The following DACH1 variants were observed in gnomAD, a reference collection of about 807,000 sequenced individuals.
The protein encoded by DACH1 is dachshund family transcription factor 1, also known as dachshund homolog 1.
Under a neutral mutation model 54.2 loss-of-function variants are expected in DACH1, and 12 were observed. The observed-to-expected ratio is 0.22, with a 90% confidence interval of 0.14 to 0.36. The LOEUF is 0.36. Among genes scored for constraint, DACH1 ranks in the 10% least tolerant of loss-of-function variants. DACH1 has a pLI of 1.00. For missense variants in DACH1, 805 were observed against 929.8 expected, an observed-to-expected ratio of 0.87 and a Z score of 1.75; for synonymous variants, 386 against 366.2, an observed-to-expected ratio of 1.05 and a Z score of -0.62.
chr13:71,535,598 T>C (rs935860841), intron 6 of DACH1, among the ~76,000 whole-genome samples: 3 of 151,984 alleles, frequency 2.0e-5, no homozygotes, highest in Non-Finnish European at 4.4e-5. Context: ...GCGCATTTTT[T>C]TCCCCCCAAG....
At chr13:71,535,052 CAG>C (rs1239047271) in intron 6 of DACH1, among the ~76,000 whole-genome samples, 2 of 150,280 alleles carry the variant, frequency 1.3e-5, no homozygotes, top group Non-Finnish European at 3.0e-5. Context: ...CTTAACAAAT[CAG>C]AGTTTTTCTA....
At chr13:71,693,749 C>T (rs1594104881) in intron 1 of DACH1, among the ~76,000 whole-genome samples, 1 of 152,030 alleles carries the variant, frequency 6.6e-6, no homozygotes, top group Admixed American at 6.6e-5. Context: ...TATGGTTATA[C>T]TTGTTCTATT....
chr13:71,590,766 G>T (rs1050260296), intron 3 of DACH1, among the ~76,000 whole-genome samples: 4 of 150,494 alleles, frequency 2.7e-5, no homozygotes, highest in Non-Finnish European at 5.9e-5. Flanking sequence ...ATAACTTTTA[G>T]TTCATCTTCA....
At position 71,565,975 on chromosome 13, in the gene DACH1, G is replaced by A. The variant is rs569814867; in HGVS notation, c.1300-6020C>T. Among the ~76,000 whole-genome samples the A allele has an allele frequency of 7.9e-5, 12 of 152,182 alleles. 1 individual carries two copies. The East Asian group carries it at 1.2e-3, about 15-fold the overall frequency. On this transcript the variant is annotated intron_variant, in intron 4 of 10. Transcript: ENST00000613252. ...GCACCATCTGACAATGAATACTGGC[G>A]TCTTAATTAAAAGGTAGGACTTCTT...
intron 10 of DACH1, among the ~76,000 whole-genome samples, chr13:71,466,259 AT>A (rs1566275777): frequency 6.6e-6 from 1 of 152,118 alleles, no homozygotes; most frequent in South Asian, 2.1e-4. Context: ...ATATATCACT[AT>A]TTTTGACTAT....
intron 3 of DACH1, among the ~76,000 whole-genome samples, chr13:71,605,183 T>C (rs922966217): frequency 7.9e-5 from 12 of 151,940 alleles, no homozygotes; most frequent in African/African-American, 1.2e-4. Flanking sequence ...TATGCCTGTA[T>C]ACTAAAAGAA....
chr13:71,464,347 C>T (rs1876363456), intron 10 of DACH1, among the ~76,000 whole-genome samples: 1 of 151,860 alleles, frequency 6.6e-6, no homozygotes, highest in Non-Finnish European at 1.5e-5. Context: ...TAAAGTGTTG[C>T]TGTTGTTAAA....
chr13:71,478,878 G>A (rs1229052267), intron 8 of DACH1, among the ~76,000 whole-genome samples: 1 of 152,042 alleles, frequency 6.6e-6, no homozygotes, highest in Non-Finnish European at 1.5e-5. Context: ...GCTATCATTA[G>A]AGTTTATTCT....
At chr13:71,816,001 C>T (rs1347786311) in intron 1 of DACH1, among the ~76,000 whole-genome samples, 2 of 151,904 alleles carry the variant, frequency 1.3e-5, no homozygotes, top group African/African-American at 2.4e-5. Flanking sequence ...AGGAGAATGG[C>T]ATGAACCCGG....
chr13:71,794,066 T>TA (rs58581587), intron 1 of DACH1, among the ~76,000 whole-genome samples: 29,683 of 150,712 alleles, frequency 0.2, 4,624 homozygotes, highest in East Asian at 0.84. Flanking sequence ...ATTTTTTCCT[T>TA]AAAAAAAAAG....
At chr13:71,792,360 AC>A in intron 1 of DACH1, among the ~76,000 whole-genome samples, 1 of 152,134 alleles carries the variant, frequency 6.6e-6, no homozygotes, top group Admixed American at 6.6e-5. Context: ...ACACACACAC[AC>A]ACACACACAC....
In DACH1 at chr13:71,536,680, T is replaced by C. The variant is rs1481361363; in HGVS notation, c.1570+20344A>G. On this transcript the variant is annotated intron_variant, in intron 6 of 10. Coordinates refer to ENST00000613252, the MANE Select transcript of DACH1 (RefSeq NM_080759.6). Reference sequence around the variant, plus strand: ...ACAAAAACTTGGAGTGTTTATTCTGTGTGGGGCACTAAGCTGAATGGTGGG... The same window carrying C: ...ACAAAAACTTGGAGTGTTTATTCTGCGTGGGGCACTAAGCTGAATGGTGGG... Among the ~76,000 whole-genome samples the C allele has an allele frequency of 2.0e-5, 3 of 152,140 alleles. No homozygotes were observed. In the South Asian group the frequency reaches 6.2e-4, roughly 31 times the overall value.
intron 2 of DACH1, among the ~76,000 whole-genome samples, chr13:71,669,474 T>C (rs1880081838): frequency 6.6e-6 from 1 of 152,184 alleles, no homozygotes. Context: ...TGTGGTGAGT[T>C]GTATTATTTC....
At chr13:71,458,539 A>AT (rs1186662940) in intron 10 of DACH1, among the ~76,000 whole-genome samples, 1 of 151,868 alleles carries the variant, frequency 6.6e-6, no homozygotes, top group East Asian at 1.9e-4. Context: ...AAAGTTTTAG[A>AT]TTTTACCTAT....
chr13:71,730,665 C>T (rs1277765353), intron 1 of DACH1, among the ~76,000 whole-genome samples: 1 of 152,094 alleles, frequency 6.6e-6, no homozygotes, highest in East Asian at 1.9e-4. Context: ...CATTATTTGG[C>T]ATTTACAGAC....
In DACH1 at chr13:71,625,401, CAT is replaced by C. The variant is rs561616943; in HGVS notation, c.1126+5153_1126+5154del. Among the ~76,000 whole-genome samples the C allele has an allele frequency of 5.4e-3, 823 of 152,044 alleles. 10 individuals carry two copies. Among genetic ancestry groups the C allele is most frequent in the Non-Finnish European group, 8.7e-3 (592 of 67,952 alleles). On this transcript the variant is annotated intron_variant, in intron 3 of 10. Coordinates refer to ENST00000613252, the MANE Select transcript of DACH1 (RefSeq NM_080759.6). ...TTAATCTTTTCCTTCCAAATAGACA[CAT>C]GTGTTAGAAGAAAGGAAATGACTCC...
intron 6 of DACH1, among the ~76,000 whole-genome samples, chr13:71,536,960 A>G (rs1398526535): frequency 1.3e-5 from 2 of 152,048 alleles, no homozygotes; most frequent in African/African-American, 4.8e-5. Context: ...TCCGCACACC[A>G]TTATATATTT....
intron 6 of DACH1, among the ~76,000 whole-genome samples, chr13:71,520,468 T>A (rs1265215412): frequency 6.7e-6 from 1 of 148,230 alleles, no homozygotes; most frequent in Non-Finnish European, 1.5e-5. Flanking sequence ...GAGAAAAAAA[T>A]TAAAGGAGAT....
chr13:71,866,962 G>C lies in DACH1; in HGVS notation c.-193C>G. On this transcript the variant is annotated 5_prime_UTR_variant, in exon 1 of 11. Transcript: ENST00000613252. ...AGGTAATAAAGAGCGAGCGCAAGAGGGGCGAGCACGAGAGGCGCTCTGGAG... is the reference window on the plus strand; with the variant it reads ...AGGTAATAAAGAGCGAGCGCAAGAGCGGCGAGCACGAGAGGCGCTCTGGAG... The C allele has an allele frequency of 2.3e-6, 1 of 433,584 alleles. No homozygotes were observed. Among genetic ancestry groups the C allele is most frequent in the Non-Finnish European group, 3.8e-6 (1 of 261,018 alleles). 26.9% of individuals were successfully genotyped at this position (433,584 alleles called of 1,614,324 possible).
Sources: gnomAD v4.1 joint callset for allele counts (sites outside exome capture counted in the v4.1 genomes callset) on GRCh38, gnomAD v4.1.1 for gene constraint, MANE v1.5 for transcripts, NCBI Gene and HGNC (gene_info 2026-07-23, HGNC 2026-07-21) for gene names.